ANXA8: variants seen among roughly 807,000 people sequenced by gnomAD.
The protein encoded by ANXA8 is annexin A8, also known as VAC-beta.
A neutral mutation model predicts 26.8 loss-of-function variants in ANXA8; 9 were observed. The ratio of observed to expected loss-of-function variants is 0.34; its 90% CI spans 0.20 to 0.59. The LOEUF (loss-of-function observed/expected upper bound fraction) is 0.59. Ranked by LOEUF, ANXA8 falls within the 20% of genes least tolerant of loss-of-function variation. The pLI is 0.84. For missense variants in ANXA8, 83 were observed against 238.5 expected, an observed-to-expected ratio of 0.35 and a Z score of 4.29; for synonymous variants, 39 against 94.8, an observed-to-expected ratio of 0.41 and a Z score of 3.42.
the ANXA8 span, among the ~76,000 whole-genome samples, chr10:47,554,143 A>AAATG: frequency 7.2e-6 from 1 of 139,504 alleles, no homozygotes; most frequent in Middle Eastern, 3.3e-3. Context: ...ATAAATAAAT[A>AAATG]AATAAAAATA....
At chr10:47,618,319 C>A in the ANXA8 span, among the ~76,000 whole-genome samples, 3 of 109,582 alleles carry the variant, frequency 2.7e-5, 1 homozygote, top group African/African-American at 7.2e-5. Context: ...TAGAGGAAAA[C>A]CTCCTAAAAA....
the ANXA8 span, among the ~76,000 whole-genome samples, chr10:47,592,497 G>C: frequency 1.3e-5 from 2 of 149,350 alleles, no homozygotes; most frequent in Non-Finnish European, 2.9e-5. Flanking sequence ...CCCCTTGCCT[G>C]TCAACCCCTT....
At chr10:47,695,083 G>C in the ANXA8 span, among the ~76,000 whole-genome samples, 1 of 151,166 alleles carries the variant, frequency 6.6e-6, no homozygotes, top group African/African-American at 2.4e-5. Flanking sequence ...GAAATTTCTT[G>C]TCTGTTCCTT....
chr10:47,956,589 T>C, the ANXA8 span, among the ~76,000 whole-genome samples: 7 of 150,162 alleles, frequency 4.7e-5, no homozygotes, highest in Non-Finnish European at 7.4e-5. Flanking sequence ...CCATTGGCCA[T>C]TTTCTTTTTC....
At chr10:47,559,359 C>A in the ANXA8 span, among the ~76,000 whole-genome samples, 3 of 151,500 alleles carry the variant, frequency 2.0e-5, no homozygotes, top group Non-Finnish European at 4.4e-5. Flanking sequence ...AACTCCTGAC[C>A]TCAAGTGATC....
the ANXA8 span, among the ~76,000 whole-genome samples, chr10:47,969,637 C>T: frequency 1.4e-5 from 2 of 146,692 alleles, no homozygotes; most frequent in Non-Finnish European, 3.0e-5. Flanking sequence ...TTCTCCCTTC[C>T]ACCGAAGGGC....
At chr10:47,666,407 A>C in the ANXA8 span, among the ~76,000 whole-genome samples, 1 of 151,364 alleles carries the variant, frequency 6.6e-6, no homozygotes, top group African/African-American at 2.4e-5. Flanking sequence ...TTTTATGTGC[A>C]TTATCTCACT....
At chr10:47,591,636 C>A in the ANXA8 span, among the ~76,000 whole-genome samples, 2 of 143,134 alleles carry the variant, frequency 1.4e-5, no homozygotes, top group African/African-American at 2.9e-5. Context: ...TTACTAGAGA[C>A]GGGGTTTCAC....
the ANXA8 span, among the ~76,000 whole-genome samples, chr10:47,733,256 T>TTTCTTTCTTTCC: frequency 9.3e-6 from 1 of 107,582 alleles, no homozygotes; most frequent in East Asian, 3.5e-4. Context: ...TCTTTCTTTC[T>TTTCTTTCTTTCC]TTCTTTCTTT....
the ANXA8 span, among the ~76,000 whole-genome samples, chr10:47,535,099 CG>C: frequency 1.6e-5 from 2 of 123,268 alleles, 1 homozygote; most frequent in Non-Finnish European, 3.2e-5. Context: ...CTCAGTCTCC[CG>C]GGTAGCTAAG....
At chr10:47,524,123 A>G in the ANXA8 span, among the ~76,000 whole-genome samples, 936 of 148,612 alleles carry the variant, frequency 6.3e-3, no homozygotes, top group Non-Finnish European at 0.01. Context: ...CAGCTTCCTG[A>G]GATTTTAGTC....
the ANXA8 span, among the ~76,000 whole-genome samples, chr10:47,552,719 A>G: frequency 6.6e-6 from 1 of 151,898 alleles, no homozygotes; most frequent in Non-Finnish European, 1.5e-5. Flanking sequence ...ATCGGGCTGC[A>G]TAAAATCTGA....
chr10:47,510,294 G>A, the ANXA8 span: 2 of 1,129,612 alleles, frequency 1.8e-6, no homozygotes, highest in East Asian at 3.5e-5. Flanking sequence ...GGAAGTGTAA[G>A]TCAAACTTAT....
At chr10:47,657,465 G>A in the ANXA8 span, among the ~76,000 whole-genome samples, 1 of 151,992 alleles carries the variant, frequency 6.6e-6, no homozygotes, top group East Asian at 1.9e-4. Flanking sequence ...ATCCAAGCTT[G>A]AATGTCAGCT....
the ANXA8 span, among the ~76,000 whole-genome samples, chr10:47,958,659 A>G: frequency 6.8e-6 from 1 of 147,870 alleles, no homozygotes; most frequent in South Asian, 2.1e-4. Context: ...TCCCCGGCTA[A>G]CCCTAGAAGC....
At chr10:47,896,389 G>GTAATTAGAGATTACATA in the ANXA8 span, among the ~76,000 whole-genome samples, 2 of 151,430 alleles carry the variant, frequency 1.3e-5, no homozygotes, top group South Asian at 2.1e-4. Context: ...TGTAACTTCT[G>GTAATTAGAGATTACATA]AGCACATGCA....
At chr10:47,747,963 A>AT in the ANXA8 span, among the ~76,000 whole-genome samples, 3 of 152,006 alleles carry the variant, frequency 2.0e-5, no homozygotes, top group Non-Finnish European at 2.9e-5. Context: ...ATAGGACAGA[A>AT]TAAAAACTCT....
chr10:47,499,206 G>A, the ANXA8 span, among the ~76,000 whole-genome samples: 12 of 116,108 alleles, frequency 1.0e-4, no homozygotes, highest in African/African-American at 4.1e-4. Flanking sequence ...TAGCATCCAA[G>A]ATGGAATTGC....
the ANXA8 span, among the ~76,000 whole-genome samples, chr10:47,646,803 G>A: frequency 2.0e-5 from 3 of 151,894 alleles, no homozygotes; most frequent in African/African-American, 7.3e-5. Context: ...TTTTTTCTCT[G>A]CTGTTAAAAT....
Sources: allele counts gnomAD v4.1 joint callset (sites outside exome capture counted in the v4.1 genomes callset), GRCh38; gene constraint gnomAD v4.1.1; transcripts MANE v1.5; gene names NCBI Gene and HGNC (gene_info 2026-07-23, HGNC 2026-07-21).